GRID1: variants seen among roughly 807,000 people sequenced by gnomAD.
GRID1 encodes glutamate ionotropic receptor delta type subunit 1.
A neutral mutation model predicts 98.0 loss-of-function variants in GRID1; 28 were observed. That is an observed-to-expected ratio of 0.29 (90% CI 0.21 to 0.39). The LOEUF is 0.39. GRID1 is among the 10% of genes least tolerant of loss of function. The probability of loss-of-function intolerance (pLI) is 1.00; values close to 1 mark genes in which losing one functional copy is unlikely to be tolerated. For synonymous variants in GRID1, 553 were observed against 538.5 expected (o/e 1.03, Z -0.37); for missense variants, 1,111 against 1,340.5 (o/e 0.83, Z 2.67).
chr10:86,207,592 T>C (rs1035141381), intron 2 of GRID1, among the ~76,000 whole-genome samples: 1 of 151,440 alleles, frequency 6.6e-6, no homozygotes, highest in Admixed American at 6.6e-5. Flanking sequence ...TAATGGTTTA[T>C]GCGATGGCAA....
intron 3 of GRID1, among the ~76,000 whole-genome samples, chr10:86,165,945 T>A (rs1845392207): frequency 6.6e-6 from 1 of 152,144 alleles, no homozygotes; most frequent in South Asian, 2.1e-4. Flanking sequence ...GAGGCTCCGG[T>A]CATGCTGATT....
At chr10:85,731,524 A>G (rs12219058) in intron 8 of GRID1, among the ~76,000 whole-genome samples, 89,474 of 151,362 alleles carry the variant, frequency 0.59, 27,803 homozygotes, top group African/African-American at 0.79. Context: ...AAATAGGCTG[A>G]GAGCTGTGGC....
At chr10:86,217,449 C>T (rs1405993204) in intron 2 of GRID1, among the ~76,000 whole-genome samples, 1 of 152,030 alleles carries the variant, frequency 6.6e-6, no homozygotes, top group Non-Finnish European at 1.5e-5. Flanking sequence ...ATTCACAGCC[C>T]TCTCATATGG....
chr10:86,028,772 C>T (rs1355211710), intron 4 of GRID1, among the ~76,000 whole-genome samples: 1 of 152,100 alleles, frequency 6.6e-6, no homozygotes, highest in Non-Finnish European at 1.5e-5. Flanking sequence ...TCTCAAATGA[C>T]AGGTTTGTAA....
At chr10:86,215,043 A>T (rs1163192329) in intron 2 of GRID1, among the ~76,000 whole-genome samples, 1 of 152,186 alleles carries the variant, frequency 6.6e-6, no homozygotes, top group Non-Finnish European at 1.5e-5. Flanking sequence ...CCTTAAAGCC[A>T]ACACTCCTTC....
rs147224882 is a variant in GRID1, at chr10:85,903,673, C to T, written c.780+12513G>A. Among the ~76,000 whole-genome samples, 289 of 152,322 alleles carry T rather than the reference C, an allele frequency of 1.9e-3. 1 individual carries two copies. Among genetic ancestry groups the T allele is most frequent in the South Asian group, 7.3e-3 (35 of 4,822 alleles). On this transcript the variant is annotated intron_variant, in intron 5 of 15. Transcript: ENST00000327946. ...TCTTACAAAGGCCAGAAAAGTTCTA[C>T]ATGACCTGGCCTCCTGCCATGCCTC... is the stretch of plus-strand genomic sequence containing the variant.
At chr10:85,830,785 T>C (rs1009495803) in intron 8 of GRID1, among the ~76,000 whole-genome samples, 9 of 152,264 alleles carry the variant, frequency 5.9e-5, no homozygotes, top group East Asian at 1.9e-4. Flanking sequence ...CCAGTCAGAA[T>C]AGCTATTATT....
intron 12 of GRID1, among the ~76,000 whole-genome samples, chr10:85,719,580 C>A (rs1841677241): frequency 6.6e-6 from 1 of 152,158 alleles, no homozygotes; most frequent in African/African-American, 2.4e-5. Flanking sequence ...CACATCAGAT[C>A]TCGTGAGACT....
chr10:85,882,380 C>T (rs970135171), intron 5 of GRID1, among the ~76,000 whole-genome samples: 38 of 152,110 alleles, frequency 2.5e-4, no homozygotes, highest in African/African-American at 7.0e-4. Flanking sequence ...ACCCAAATGT[C>T]CAACAATGAT....
chr10:86,260,275 T>C (rs950634232), intron 2 of GRID1, among the ~76,000 whole-genome samples: 1 of 152,234 alleles, frequency 6.6e-6, no homozygotes, highest in South Asian at 2.1e-4. Flanking sequence ...TTCATGATAA[T>C]ACTTACACCA....
chr10:85,759,890 T>A (rs1454385239), intron 8 of GRID1, among the ~76,000 whole-genome samples: 1 of 152,212 alleles, frequency 6.6e-6, no homozygotes, highest in Non-Finnish European at 1.5e-5. Flanking sequence ...ACAGCAAAAG[T>A]ATCTTCCACC....
chr10:86,263,769 A>T (rs994324851), intron 2 of GRID1, among the ~76,000 whole-genome samples: 1 of 152,276 alleles, frequency 6.6e-6, no homozygotes, highest in Non-Finnish European at 1.5e-5. Context: ...ATTAATTTTT[A>T]AAATCTAGGA....
chr10:86,140,562 A>T (rs1054019694), intron 3 of GRID1, among the ~76,000 whole-genome samples: 1 of 152,202 alleles, frequency 6.6e-6, no homozygotes, highest in African/African-American at 2.4e-5. Flanking sequence ...TGGGGAACCA[A>T]GCAGCGCGAG....
chr10:86,362,717 C>G (rs999865037), intron 2 of GRID1, among the ~76,000 whole-genome samples: 1 of 152,180 alleles, frequency 6.6e-6, no homozygotes, highest in African/African-American at 2.4e-5. Context: ...CCAGCTCTGA[C>G]CCCCCAGACC....
rs117244327 is a variant in GRID1 at position 85,728,904 on chromosome 10, G to A, written c.1335+609C>T. Reference sequence around the variant, plus strand: ...TGGGAGAGAGGGGACGTTTGGGCACGTGTGACTCAGCCAATAAGAGGCAAG... The same window carrying A: ...TGGGAGAGAGGGGACGTTTGGGCACATGTGACTCAGCCAATAAGAGGCAAG... On this transcript the variant is annotated intron_variant, in intron 9 of 15. Coordinates refer to ENST00000327946, the MANE Select transcript of GRID1 (RefSeq NM_017551.3). Among the ~76,000 whole-genome samples the A allele has an allele frequency of 5.4e-3, 815 of 152,286 alleles. 11 individuals carry two copies. The South Asian group carries it at 0.056, about 10-fold the overall frequency.
intron 4 of GRID1, among the ~76,000 whole-genome samples, chr10:85,982,486 T>G (rs1842558029): frequency 6.6e-6 from 1 of 152,162 alleles, no homozygotes; most frequent in South Asian, 2.1e-4. Context: ...CGAGGACGCC[T>G]GTGGCCATTG....
intron 2 of GRID1, among the ~76,000 whole-genome samples, chr10:86,264,412 C>A (rs1488807727): frequency 6.6e-6 from 1 of 152,212 alleles, no homozygotes; most frequent in Non-Finnish European, 1.5e-5. Flanking sequence ...CTGGAGACTA[C>A]CCCAGAGGGA....
chr10:85,783,995 C>T (rs1273333709), intron 8 of GRID1, among the ~76,000 whole-genome samples: 2 of 152,158 alleles, frequency 1.3e-5, no homozygotes, highest in African/African-American at 4.8e-5. Context: ...AGAACAAGAG[C>T]ATGTAATGTT....
chr10:86,084,659 C>G (rs1844025390), intron 4 of GRID1, among the ~76,000 whole-genome samples: 1 of 152,088 alleles, frequency 6.6e-6, no homozygotes, highest in Non-Finnish European at 1.5e-5. Context: ...AATGGATAAA[C>G]AAAATGGTGT....
Sources: gnomAD v4.1 joint callset for allele counts (sites outside exome capture counted in the v4.1 genomes callset) on GRCh38, gnomAD v4.1.1 for gene constraint, MANE v1.5 for transcripts, NCBI Gene and HGNC (gene_info 2026-07-23, HGNC 2026-07-21) for gene names.